The following ETS1 variants were observed in gnomAD, a reference collection of about 807,000 sequenced individuals.
The protein encoded by ETS1 is ETS proto-oncogene 1, transcription factor, also known as protein C-ets-1.
ETS1 carries 15 observed loss-of-function variants against 58.6 expected under a neutral mutation model. That is an observed-to-expected ratio of 0.26 (90% confidence interval 0.17 to 0.39). ETS1 has a LOEUF of 0.39. Ranked by LOEUF, ETS1 falls within the 10% of genes least tolerant of loss-of-function variation. The pLI is 1.00. For missense variants in ETS1, 417 were observed against 610.5 expected (o/e 0.68, Z 3.34); for synonymous variants, 214 against 218.2 (o/e 0.98, Z 0.17).
intron 3 of ETS1, chr11:128,522,235 C>T (rs1863699697): frequency 2.5e-6 from 3 of 1,200,222 alleles, no homozygotes; most frequent in Non-Finnish European, 2.1e-6. Flanking sequence ...TCGCCCGCGC[C>T]GCGCCCGCTC....
At chr11:128,565,050 A>AAATAAATAAATAAAT (rs1257821669) in intron 2 of ETS1, among the ~76,000 whole-genome samples, 2 of 150,678 alleles carry the variant, frequency 1.3e-5, no homozygotes, top group Admixed American at 6.6e-5. Context: ...ATAAATAAAT[A>AAATAAATAAATAAAT]AATAAATAAA....
rs569897640 is a variant in ETS1, at chr11:128,513,794, G to A, written c.215-23218C>T. 1.2e-4 allele frequency among the ~76,000 whole-genome samples: 19 copies of A among 152,248 alleles called. 1 individual carries two copies. The highest frequency in any genetic ancestry group is 4.6e-4 in the Admixed American group (7 of 15,300). On this transcript the variant is annotated intron_variant, in intron 3 of 9. Transcript: ENST00000392668. The stretch of plus-strand genomic sequence containing the variant: ...TGGGCAGGGGCAGTGGCTCATGCCC[G>A]TAATCCCAACATTTTAGGAGGCCAA...
intron 3 of ETS1, among the ~76,000 whole-genome samples, chr11:128,521,538 G>T (rs951904523): frequency 3.3e-5 from 5 of 152,162 alleles, no homozygotes; most frequent in African/African-American, 1.2e-4. Context: ...GTCAGGCGAT[G>T]ATGTCCTCTG....
intron 3 of ETS1, among the ~76,000 whole-genome samples, chr11:128,494,199 T>C (rs1193800596): frequency 1.3e-5 from 2 of 152,216 alleles, no homozygotes; most frequent in African/African-American, 4.8e-5. Context: ...ATGCTGAGAA[T>C]CCGGCCTGGA....
intron 3 of ETS1, among the ~76,000 whole-genome samples, chr11:128,501,061 A>T (rs1397466827): frequency 6.6e-6 from 1 of 152,174 alleles, no homozygotes; most frequent in African/African-American, 2.4e-5. Flanking sequence ...GCACAAAGCA[A>T]ATTTGTCCTT....
chr11:128,472,348 AT>A (rs1303130382), intron 8 of ETS1, among the ~76,000 whole-genome samples: 1 of 152,186 alleles, frequency 6.6e-6, no homozygotes, highest in Non-Finnish European at 1.5e-5. Context: ...TTTCACTCTC[AT>A]TATCTCTCAG....
At chr11:128,563,015 T>C (rs780127424) in intron 2 of ETS1, among the ~76,000 whole-genome samples, 5 of 151,924 alleles carry the variant, frequency 3.3e-5, no homozygotes, top group Non-Finnish European at 7.4e-5. Flanking sequence ...CAGAAAATCA[T>C]GAACATGAGG....
At chr11:128,568,720 A>T (rs1305584031) in intron 2 of ETS1, among the ~76,000 whole-genome samples, 1 of 152,202 alleles carries the variant, frequency 6.6e-6, no homozygotes, top group Non-Finnish European at 1.5e-5. Flanking sequence ...ATGGATTTTA[A>T]CCACTGTGGC....
At chr11:128,574,855 C>T (rs1864710299) in intron 1 of ETS1, among the ~76,000 whole-genome samples, 1 of 152,218 alleles carries the variant, frequency 6.6e-6, no homozygotes, top group Non-Finnish European at 1.5e-5. Flanking sequence ...AAGTTAACAA[C>T]ATTGATTGTG....
chr11:128,503,957 G>A (rs572272612), intron 3 of ETS1, among the ~76,000 whole-genome samples: 65 of 152,238 alleles, frequency 4.3e-4, no homozygotes, highest in Non-Finnish European at 6.5e-4. Flanking sequence ...CGATGGTGCC[G>A]CCCCAACATG....
At chr11:128,567,446 C>T (rs1864526168) in intron 2 of ETS1, among the ~76,000 whole-genome samples, 1 of 152,208 alleles carries the variant, frequency 6.6e-6, no homozygotes, top group Non-Finnish European at 1.5e-5. Flanking sequence ...CCAATTTATA[C>T]AACATTGAAG....
intron 3 of ETS1, among the ~76,000 whole-genome samples, chr11:128,554,771 A>T (rs947722155): frequency 6.6e-6 from 1 of 152,102 alleles, no homozygotes; most frequent in East Asian, 1.9e-4. Flanking sequence ...ATTGGGAGAT[A>T]TAAGACTTAA....
At chr11:128,559,553 G>A (rs185038161) in intron 2 of ETS1, among the ~76,000 whole-genome samples, 9 of 152,178 alleles carry the variant, frequency 5.9e-5, no homozygotes, top group South Asian at 2.1e-4. Flanking sequence ...ACTGTCCTCC[G>A]TGGAGCCACT....
intron 8 of ETS1, among the ~76,000 whole-genome samples, chr11:128,465,124 C>T (rs908290720): frequency 1.3e-5 from 2 of 152,208 alleles, no homozygotes; most frequent in African/African-American, 4.8e-5. Flanking sequence ...GGAAGTCCTC[C>T]TCCAGTAACA....
intron 3 of ETS1, among the ~76,000 whole-genome samples, chr11:128,531,427 A>G (rs1863895721): frequency 6.6e-6 from 1 of 152,212 alleles, no homozygotes; most frequent in African/African-American, 2.4e-5. Context: ...GGATTTAGTG[A>G]GCATAAAATT....
chr11:128,480,978 T>C (rs566033251), intron 7 of ETS1, among the ~76,000 whole-genome samples: 1 of 152,334 alleles, frequency 6.6e-6, no homozygotes, highest in East Asian at 1.9e-4. Context: ...GATTAGCCTG[T>C]TTTGACCTTG....
At chr11:128,581,842 C>G (rs1355674739) in intron 1 of ETS1, among the ~76,000 whole-genome samples, 1 of 152,142 alleles carries the variant, frequency 6.6e-6, no homozygotes, top group Non-Finnish European at 1.5e-5. Context: ...CTCAACAAAA[C>G]TGAGAGGCAC....
At chr11:128,571,372 G>A (rs1031294154) in intron 2 of ETS1, among the ~76,000 whole-genome samples, 1 of 149,858 alleles carries the variant, frequency 6.7e-6, no homozygotes, top group African/African-American at 2.5e-5. Flanking sequence ...AGCTAAGATC[G>A]CACCACAGCA....
At chr11:128,511,516 T>C (rs1404605845) in intron 3 of ETS1, among the ~76,000 whole-genome samples, 1 of 152,188 alleles carries the variant, frequency 6.6e-6, no homozygotes, top group Non-Finnish European at 1.5e-5. Context: ...CATAGTGATC[T>C]GTTCAAGCTG....
Sources: gnomAD v4.1 joint callset for allele counts (sites outside exome capture counted in the v4.1 genomes callset) on GRCh38, gnomAD v4.1.1 for gene constraint, MANE v1.5 for transcripts, NCBI Gene and HGNC (gene_info 2026-07-23, HGNC 2026-07-21) for gene names.